The following IMPG2 variants were observed in gnomAD, a reference collection of about 807,000 sequenced individuals.
IMPG2 encodes the protein interphotoreceptor matrix proteoglycan 2.
Under a neutral mutation model 129.2 loss-of-function variants are expected in IMPG2, and 91 were observed. That is an observed-to-expected ratio of 0.70 (90% confidence interval 0.59 to 0.84). The LOEUF is 0.84. Among genes scored for constraint, IMPG2 ranks in the 40% least tolerant of loss-of-function variants. The pLI, the probability that IMPG2 is intolerant of heterozygous loss-of-function variation, is 0.00. For synonymous variants in IMPG2, 510 were observed against 517.7 expected (o/e 0.99, Z 0.20); for missense variants, 1,430 against 1,461.7 (o/e 0.98, Z 0.35).
intron 10 of IMPG2, among the ~76,000 whole-genome samples, chr3:101,256,863 G>A (rs909590465): frequency 2.0e-5 from 3 of 152,048 alleles, no homozygotes; most frequent in Admixed American, 6.6e-5. Context: ...GCAGGATACC[G>A]TGGCCCTGAT....
chr3:101,242,894 A>T lies in IMPG2; in HGVS notation c.2816T>A (p.Leu939His), dbSNP rs1559642470. ...CTGGAACCCCGTGAGATTTGACTGG[A>T]GATAGGGAACCAGCTACAATATACA... ...QRFLELLVPYLQSNLTGFQNL... is the reference protein window; with the variant it reads ...QRFLELLVPYHQSNLTGFQNL... The change falls in exon 14 of 19, where the codon CTC (leucine) becomes CAC (histidine). Residue 939 changes from leucine (L) to histidine (H), a missense_variant. Transcript: ENST00000193391. The T allele has an allele frequency of 1.2e-6, 2 of 1,613,730 alleles. No individual in the cohort carries two copies. The highest frequency in any genetic ancestry group is 1.7e-6 in the Non-Finnish European group (2 of 1,179,692).
chr3:101,246,689 T>C (rs1230610714), intron 11 of IMPG2, among the ~76,000 whole-genome samples: 1 of 152,214 alleles, frequency 6.6e-6, no homozygotes, highest in Non-Finnish European at 1.5e-5. Context: ...TTTCTAGTGA[T>C]GTTTTACTAA....
chr3:101,253,555 T>G (rs1576752137), intron 11 of IMPG2, 141 bp downstream of exon 11: 5 of 694,788 alleles, frequency 7.2e-6, no homozygotes, highest in Non-Finnish European at 1.3e-5. Flanking sequence ...CTGACAGCTA[T>G]GAGTAATGGT....
intron 4 of IMPG2, among the ~76,000 whole-genome samples, chr3:101,284,022 T>C (rs1706920070): frequency 1.3e-5 from 2 of 152,080 alleles, no homozygotes; most frequent in Admixed American, 1.3e-4. Context: ...GTGAAGATGG[T>C]GAAAAGTGAT....
chr3:101,256,004 C>T (rs144936787), intron 10 of IMPG2, among the ~76,000 whole-genome samples: 3,133 of 149,932 alleles, frequency 0.021, 53 homozygotes, highest in Non-Finnish European at 0.029. Context: ...AAACGTTAGT[C>T]CAGCAGCCAA....
At chr3:101,232,676 A>G in intron 15 of IMPG2, 105 bp downstream of exon 15, 1 of 934,742 alleles carries the variant, frequency 1.1e-6, no homozygotes, top group Admixed American at 2.0e-5. Context: ...TATAACTTCT[A>G]TAATGCATAC....
At chr3:101,314,316 A>T (rs2107144793) in intron 2 of IMPG2, among the ~76,000 whole-genome samples, 1 of 152,240 alleles carries the variant, frequency 6.6e-6, no homozygotes, top group Admixed American at 6.5e-5. Flanking sequence ...CGTACACTAA[A>T]AAGATTATTT....
chr3:101,242,263 T>A (rs1706417039), intron 14 of IMPG2, among the ~76,000 whole-genome samples: 1 of 152,184 alleles, frequency 6.6e-6, no homozygotes, highest in African/African-American at 2.4e-5. Context: ...CTGGAGGTTA[T>A]GAGAGATGTT....
intron 2 of IMPG2, 57 bp downstream of exon 2, chr3:101,319,527 T>C (rs2058800729): frequency 6.2e-7 from 1 of 1,601,020 alleles, no homozygotes; most frequent in African/African-American, 1.3e-5. Context: ...ACCTAACAAA[T>C]GATTAAACTA....
intron 9 of IMPG2, among the ~76,000 whole-genome samples, chr3:101,261,028 G>C (rs981480641): frequency 3.9e-5 from 6 of 152,104 alleles, no homozygotes; most frequent in African/African-American, 1.4e-4. Flanking sequence ...AAATATAACA[G>C]AGCAATTTTT....
chr3:101,257,975 T>C (rs756213622), intron 9 of IMPG2, among the ~76,000 whole-genome samples: 31 of 151,996 alleles, frequency 2.0e-4, no homozygotes, highest in Non-Finnish European at 3.8e-4. Flanking sequence ...GCTCTAAGAA[T>C]AGGGAAAAGA....
rs878853358 is a variant in IMPG2 at position 101,243,917 on chromosome 3, GCA to G, written c.2412_2413del (p.Ala805Ter). On this transcript the variant is annotated frameshift_variant, in exon 13 of 19. Coordinates refer to ENST00000193391, the MANE Select transcript of IMPG2 (RefSeq NM_016247.4). LOFTEE classifies it high-confidence loss of function. ...TGTCACAGATAACCAGAGCCTGTCAGCACTCTGTGGTGTACTTGCCAATATGT... is the reference window on the plus strand; with the variant it reads ...TGTCACAGATAACCAGAGCCTGTCAGCTCTGTGGTGTACTTGCCAATATGT... 18 of 1,614,190 alleles carry G rather than the reference GCA, an allele frequency of 1.1e-5. No individual in the cohort carries two copies. The highest frequency in any genetic ancestry group is 1.4e-5 in the Non-Finnish European group (17 of 1,180,030).
chr3:101,253,568 A>T, intron 11 of IMPG2, 128 bp downstream of exon 11: 1 of 731,076 alleles, frequency 1.4e-6, no homozygotes. Flanking sequence ...GTAATGGTCT[A>T]GGGATGATGC....
Position 101,319,759 on chromosome 3 carries a change from T to C in IMPG2, c.159A>G (p.Ser53=). The stretch of plus-strand genomic sequence containing the variant: ...TTTTGGTAGCTAGAGAAAGGTCTGT[T>C]GATTCTTCAGGCAGGAGAAAAGAAA... ...SAVSFLLPEE[S]TDLSLATKKK... The change falls in exon 2 of 19, where the codon TCA becomes TCG. Residue 53 remains serine, a synonymous_variant. Transcript: ENST00000193391. 1 of 1,613,628 alleles carries C rather than the reference T, an allele frequency of 6.2e-7. No individual in the cohort carries two copies. Among genetic ancestry groups the C allele is most frequent in the Admixed American group, 1.7e-5 (1 of 59,908 alleles).
chr3:101,303,674 T>C (rs1343671477), intron 3 of IMPG2, among the ~76,000 whole-genome samples: 4 of 152,180 alleles, frequency 2.6e-5, no homozygotes, highest in Non-Finnish European at 2.9e-5. Flanking sequence ...GGAAAACAAG[T>C]GAGCACACTC....
intron 2 of IMPG2, among the ~76,000 whole-genome samples, chr3:101,315,355 T>C (rs1230040415): frequency 6.6e-6 from 1 of 152,098 alleles, no homozygotes; most frequent in Non-Finnish European, 1.5e-5. Context: ...TGTAAGAAAA[T>C]TATTGTTTTT....
intron 2 of IMPG2, among the ~76,000 whole-genome samples, chr3:101,317,242 A>G (rs767345360): frequency 6.6e-6 from 1 of 152,144 alleles, no homozygotes; most frequent in Non-Finnish European, 1.5e-5. Flanking sequence ...TCATTAAAAT[A>G]TACCTCAATA....
At chr3:101,228,705 C>G in intron 18 of IMPG2, 92 bp downstream of exon 18, 1 of 1,008,614 alleles carries the variant, frequency 9.9e-7, no homozygotes, top group South Asian at 1.3e-5. Flanking sequence ...GTCACATGGA[C>G]AGGAAATTAT....
intron 3 of IMPG2, among the ~76,000 whole-genome samples, chr3:101,293,220 G>GAAA (rs1038568221): frequency 2.6e-5 from 4 of 152,176 alleles, no homozygotes; most frequent in Admixed American, 1.3e-4. Flanking sequence ...GCAGCTGTAT[G>GAAA]AAAAGTATTT....
Sources: gnomAD v4.1 joint callset for allele counts (sites outside exome capture counted in the v4.1 genomes callset) on GRCh38, gnomAD v4.1.1 for gene constraint, MANE v1.5 for transcripts, NCBI Gene and HGNC (gene_info 2026-07-23, HGNC 2026-07-21) for gene names.